The following NFXL1 variants were observed in gnomAD, a reference collection of about 807,000 sequenced individuals.
The protein encoded by NFXL1 is nuclear transcription factor, X-box binding like 1.
In NFXL1, 66 loss-of-function variants were observed where a neutral mutation model predicts 123.3. The ratio of observed to expected loss-of-function variants is 0.54; its 90% CI spans 0.44 to 0.66. The LOEUF (loss-of-function observed/expected upper bound fraction) is 0.66. Ranked by LOEUF, NFXL1 falls within the 30% of genes least tolerant of loss-of-function variation. The pLI, the probability that NFXL1 is intolerant of heterozygous loss-of-function variation, is 0.00. For synonymous variants in NFXL1, 346 were observed against 360.8 expected (o/e 0.96, Z 0.46); for missense variants, 944 against 1,125.6 (o/e 0.84, Z 2.31).
intron 18 of NFXL1, among the ~76,000 whole-genome samples, chr4:47,872,450 A>C (rs1735500640): frequency 7.1e-6 from 1 of 140,300 alleles, no homozygotes; most frequent in Non-Finnish European, 1.5e-5. Flanking sequence ...CAACAGAGCG[A>C]GACTCTGTCT....
In NFXL1 at chr4:47,862,922, A is replaced by G; in HGVS notation, c.2247-7T>C. On this transcript the variant is annotated splice_region_variant and splice_polypyrimidine_tract_variant and intron_variant, in intron 18 of 22. Transcript: ENST00000507489. ...ATCAGCTGTGGTTATTTTTCTAAAAATAAGAAAGTTGATGACATTCAAACA... is the reference window on the plus strand; with the variant it reads ...ATCAGCTGTGGTTATTTTTCTAAAAGTAAGAAAGTTGATGACATTCAAACA... The G allele has an allele frequency of 6.6e-7, 1 of 1,525,412 alleles. No individual in the cohort carries two copies. The highest frequency in any genetic ancestry group is 8.9e-7 in the Non-Finnish European group (1 of 1,128,648). The allele number at this position is 1,525,412 out of a possible 1,614,324, so 94.5% of individuals were successfully genotyped here.
chr4:47,910,860 G>T lies in NFXL1; in HGVS notation c.370C>A (p.Leu124Ile). ...GTGTATGTTATAAACGTATTTGCAA[G>T]TATTTTTCCCTGTTTTCCTTCAAAA... is the stretch of plus-strand genomic sequence containing the variant. ...EDFEGKQGKILANTFITYTTQ... is the reference protein window; with the variant it reads ...EDFEGKQGKIIANTFITYTTQ... Residue 124 changes from leucine to isoleucine, a missense_variant, in exon 3 of 23, where the codon CTT becomes ATT. Leu to Ile is a conservative substitution (Grantham distance 5). Around this residue, in one of 4 missense-constraint regions of NFXL1, gnomAD observed 303 missense variants for 292.1 expected, o/e 1.04. Coordinates refer to ENST00000507489, the MANE Select transcript of NFXL1 (RefSeq NM_001278624.2). The T allele has an allele frequency of 6.2e-7, 1 of 1,600,892 alleles. No individual in the cohort carries two copies. Among genetic ancestry groups the T allele is most frequent in the Non-Finnish European group, 8.5e-7 (1 of 1,174,794 alleles).
chr4:47,872,743 CTT>C (rs1203616183), intron 18 of NFXL1, among the ~76,000 whole-genome samples: 1 of 152,138 alleles, frequency 6.6e-6, no homozygotes, highest in African/African-American at 2.4e-5. Flanking sequence ...TTCAGTCAGT[CTT>C]AATGTTTTCA....
At chr4:47,859,867 A>AAAACAAAC (rs1560581996) in intron 19 of NFXL1, among the ~76,000 whole-genome samples, 2 of 43,440 alleles carry the variant, frequency 4.6e-5, no homozygotes, top group Admixed American at 7.5e-4. Context: ...AAAAAAAAAA[A>AAAACAAAC]AAACAAACAA....
intron 19 of NFXL1, among the ~76,000 whole-genome samples, chr4:47,861,730 C>T (rs368722648): frequency 2.8e-4 from 43 of 152,274 alleles, no homozygotes; most frequent in African/African-American, 9.6e-4. Flanking sequence ...ATTAAAACAA[C>T]CATTTATTAC....
At chr4:47,879,251 G>A (rs903529510) in intron 15 of NFXL1, 134 bp from the exon 16 acceptor site, 2 of 424,976 alleles carry the variant, frequency 4.7e-6, no homozygotes, top group Non-Finnish European at 8.4e-6. Context: ...TACAGGACAC[G>A]AAGTTAATAT....
chr4:47,865,919 G>T (rs1735037892), intron 18 of NFXL1, among the ~76,000 whole-genome samples: 2 of 152,300 alleles, frequency 1.3e-5, no homozygotes, highest in African/African-American at 4.8e-5. Flanking sequence ...GGAAAGCTGA[G>T]GTGGGAAGAT....
chr4:47,890,550 C>T, intron 12 of NFXL1, 63 bp downstream of exon 12: 7 of 837,596 alleles, frequency 8.4e-6, no homozygotes, highest in Non-Finnish European at 1.2e-5. Context: ...TGAATATTGA[C>T]AATGAAAAAA....
intron 3 of NFXL1, 132 bp from the exon 4 acceptor site, chr4:47,905,478 GT>G (rs992479335): frequency 2.4e-5 from 11 of 453,450 alleles, no homozygotes; most frequent in Non-Finnish European, 3.6e-5. Flanking sequence ...AAAACAAGAA[GT>G]TTTTTTTAAA....
chr4:47,893,710 A>G (rs1736912333), intron 11 of NFXL1, among the ~76,000 whole-genome samples: 2 of 151,898 alleles, frequency 1.3e-5, no homozygotes. Flanking sequence ...TAGAAAAAAA[A>G]AAATGAAATG....
At chr4:47,891,926 G>T (rs1736795233) in intron 11 of NFXL1, among the ~76,000 whole-genome samples, 1 of 150,382 alleles carries the variant, frequency 6.6e-6, no homozygotes, top group African/African-American at 2.4e-5. Flanking sequence ...GATAGAGTAA[G>T]ACTCCGTCTC....
intron 22 of NFXL1, 49 bp from the exon 23 acceptor site, chr4:47,848,385 T>C (rs767966375): frequency 5.0e-6 from 7 of 1,390,402 alleles, no homozygotes; most frequent in Admixed American, 4.1e-5. Context: ...ATACATTGAT[T>C]TGAAAGTTTC....
intron 19 of NFXL1, among the ~76,000 whole-genome samples, chr4:47,856,866 T>C (rs77700912): frequency 0.017 from 2,592 of 152,260 alleles, 74 homozygotes; most frequent in African/African-American, 0.059. Context: ...TTTCAAACAC[T>C]TACCTCACAG....
At chr4:47,870,831 G>GAAA (rs1190560318) in intron 18 of NFXL1, among the ~76,000 whole-genome samples, 1 of 149,024 alleles carries the variant, frequency 6.7e-6, no homozygotes, top group African/African-American at 2.5e-5. Flanking sequence ...TTATTAGCCA[G>GAAA]AAAAAAAAAG....
chr4:47,892,325 G>A (rs1736823950), intron 11 of NFXL1, among the ~76,000 whole-genome samples: 1 of 152,190 alleles, frequency 6.6e-6, no homozygotes, highest in Non-Finnish European at 1.5e-5. Flanking sequence ...ATAAAGTTGA[G>A]TAGGCAAAAT....
chr4:47,848,432 A>G, intron 22 of NFXL1, 96 bp from the exon 23 acceptor site: 1 of 896,668 alleles, frequency 1.1e-6, no homozygotes, highest in Non-Finnish European at 1.7e-6. Flanking sequence ...ATGTTTTAAT[A>G]GTAATGATAT....
Position 47,894,171 on chromosome 4 carries a change from T to C in NFXL1, c.1452+9A>G. 1 of 1,588,676 alleles carries C rather than the reference T, an allele frequency of 6.3e-7. No individual in the cohort carries two copies. The highest frequency in any genetic ancestry group is 8.6e-7 in the Non-Finnish European group (1 of 1,168,182). Reference sequence around the variant, plus strand: ...TTAAATCAGAGGTTTCCAAGGTTAATACACAAACCTTTCTTCTACATTGAT... The same window carrying C: ...TTAAATCAGAGGTTTCCAAGGTTAACACACAAACCTTTCTTCTACATTGAT... On this transcript the variant is annotated intron_variant, in intron 11 of 22. Coordinates refer to ENST00000507489, the MANE Select transcript of NFXL1 (RefSeq NM_001278624.2).
chr4:47,884,802 A>G (rs1172946019), intron 14 of NFXL1, among the ~76,000 whole-genome samples: 1 of 152,202 alleles, frequency 6.6e-6, no homozygotes, highest in Admixed American at 6.5e-5. Context: ...CCTAAAAAAA[A>G]GCTTGATATT....
intron 19 of NFXL1, among the ~76,000 whole-genome samples, chr4:47,855,887 G>GTC (rs944799769): frequency 2.6e-5 from 4 of 151,944 alleles, no homozygotes; most frequent in Admixed American, 2.6e-4. Context: ...AATGTTCATG[G>GTC]TCTCTCTGTC....
Sources: allele counts gnomAD v4.1 joint callset (sites outside exome capture counted in the v4.1 genomes callset), GRCh38; gene constraint gnomAD v4.1.1; regional missense constraint gnomAD v4.1.1; transcripts MANE v1.5; gene names NCBI Gene and HGNC (gene_info 2026-07-23, HGNC 2026-07-21).